The following PLCXD2 variants were observed in gnomAD, a reference collection of about 807,000 sequenced individuals.
The protein encoded by PLCXD2 is PI-PLC X domain-containing protein 2.
PLCXD2 carries 21 observed loss-of-function variants against 28.6 expected under a neutral mutation model. That is an observed-to-expected ratio of 0.73 (90% CI 0.52 to 1.06). The LOEUF is 1.06. PLCXD2 is among the 50% of genes least tolerant of loss of function. The pLI is 0.00. For synonymous variants in PLCXD2, 140 were observed against 150.1 expected (o/e 0.93, Z 0.49); for missense variants, 369 against 376.7 (o/e 0.98, Z 0.17).
At chr3:111,712,555 A>G (rs1941213981) in intron 2 of PLCXD2, among the ~76,000 whole-genome samples, 1 of 152,322 alleles carries the variant, frequency 6.6e-6, no homozygotes, top group South Asian at 2.1e-4. Context: ...ACTCAAAACC[A>G]TTAGAAACAA....
chr3:111,691,551 T>C (rs1940876607), intron 1 of PLCXD2: 1 of 152,232 alleles, frequency 6.6e-6, no homozygotes, highest in African/African-American at 2.4e-5. Context: ...TTAAAATAGC[T>C]TTAATCTCTT....
chr3:111,705,306 C>T (rs1407501851), intron 1 of PLCXD2, among the ~76,000 whole-genome samples: 1 of 152,022 alleles, frequency 6.6e-6, no homozygotes, highest in Admixed American at 6.6e-5. Flanking sequence ...ACATAACGTC[C>T]CCAGGCTTAT....
intron 3 of PLCXD2, among the ~76,000 whole-genome samples, chr3:111,717,971 T>C (rs1350900260): frequency 6.7e-6 from 1 of 148,314 alleles, no homozygotes; most frequent in African/African-American, 2.5e-5. Flanking sequence ...CTCACACTCT[T>C]CCAGTTATGA....
chr3:111,690,149 G>A (rs1940853434), intron 1 of PLCXD2, among the ~76,000 whole-genome samples: 1 of 152,136 alleles, frequency 6.6e-6, no homozygotes, highest in Non-Finnish European at 1.5e-5. Flanking sequence ...ATTAGGTCAT[G>A]CCAAATTCAT....
chr3:111,701,131 A>G (rs1271792478), intron 1 of PLCXD2, among the ~76,000 whole-genome samples: 1 of 152,230 alleles, frequency 6.6e-6, no homozygotes, highest in East Asian at 1.9e-4. Context: ...TCAGCCCTTC[A>G]CACTCTGATT....
rs562489938 is a variant in PLCXD2 at position 111,675,033 on chromosome 3, A to C, written c.-213A>C. ...TAACGGAGCTGGGACTGAGCAGATT[A>C]AGGGAGTGGAGCGGAGGCTGGGCCG... is the stretch of plus-strand genomic sequence containing the variant. On this transcript the variant is annotated 5_prime_UTR_variant, in exon 1 of 5. Coordinates refer to ENST00000477665, the MANE Select transcript of PLCXD2 (RefSeq NM_001185106.1). 11 of 581,286 alleles carry C rather than the reference A, an allele frequency of 1.9e-5. No homozygotes were observed. The South Asian group carries it at 2.5e-4, about 13-fold the overall frequency. The allele number at this position is 581,286 out of a possible 1,614,324, so 36.0% of individuals were successfully genotyped here.
intron 1 of PLCXD2, among the ~76,000 whole-genome samples, chr3:111,701,709 T>G (rs1941046500): frequency 6.6e-6 from 1 of 152,210 alleles, no homozygotes; most frequent in Non-Finnish European, 1.5e-5. Context: ...GCAATGAGTC[T>G]ATCAATGAGA....
intron 1 of PLCXD2, 95 bp downstream of exon 1, chr3:111,675,503 T>A: frequency 1.4e-6 from 2 of 1,414,120 alleles, no homozygotes; most frequent in South Asian, 1.2e-5. Flanking sequence ...GCTGAGAAAT[T>A]AATTGTCAGT....
At chr3:111,679,348 C>T (rs1559790107) in intron 1 of PLCXD2, among the ~76,000 whole-genome samples, 1 of 152,170 alleles carries the variant, frequency 6.6e-6, no homozygotes, top group Admixed American at 6.5e-5. Context: ...AGGACACCCT[C>T]TCTGGTCCTT....
chr3:111,705,758 G>T (rs1327852526), intron 1 of PLCXD2, among the ~76,000 whole-genome samples: 1 of 151,916 alleles, frequency 6.6e-6, no homozygotes, highest in Non-Finnish European at 1.5e-5. Context: ...TTGATGATTA[G>T]CGACATGGAG....
chr3:111,688,425 A>G lies in PLCXD2; in HGVS notation c.163+13017A>G, dbSNP rs541630116. 3.3e-5 allele frequency among the ~76,000 whole-genome samples: 5 copies of G among 152,356 alleles called. No homozygotes were observed. In the South Asian group the frequency reaches 1.0e-3, roughly 32 times the overall value. On this transcript the variant is annotated intron_variant, in intron 1 of 4. Transcript: ENST00000477665. ...TGGAGCTTCCAGTTGTCCTCTTCTC[A>G]TGGACAGTGTTTCTTTCCTCGTATT...
At chr3:111,725,894 A>G (rs1367331998) in intron 3 of PLCXD2, 3 of 398,402 alleles carry the variant, frequency 7.5e-6, no homozygotes, top group African/African-American at 6.2e-5. Flanking sequence ...GCCATTCTCC[A>G]TCATCTGCTG....
At chr3:111,714,786 A>G (rs1310322212) in intron 3 of PLCXD2, among the ~76,000 whole-genome samples, 2 of 152,148 alleles carry the variant, frequency 1.3e-5, no homozygotes, top group Non-Finnish European at 2.9e-5. Context: ...GCGCACATAT[A>G]TGTGAGTGTG....
chr3:111,699,283 T>C (rs1182475823), intron 1 of PLCXD2, among the ~76,000 whole-genome samples: 1 of 152,236 alleles, frequency 6.6e-6, no homozygotes, highest in African/African-American at 2.4e-5. Context: ...CATTGTACTG[T>C]AATGAAATGT....
intron 1 of PLCXD2, among the ~76,000 whole-genome samples, chr3:111,680,739 G>T (rs979383346): frequency 4.6e-5 from 7 of 152,168 alleles, no homozygotes; most frequent in African/African-American, 1.4e-4. Context: ...ACAACAGCCA[G>T]ACTATCTGGA....
chr3:111,679,678 C>T (rs1386066967), intron 1 of PLCXD2, among the ~76,000 whole-genome samples: 2 of 152,176 alleles, frequency 1.3e-5, no homozygotes, highest in African/African-American at 4.8e-5. Flanking sequence ...TTTTCCAATC[C>T]ATTTCTTGTT....
chr3:111,675,190 A>G lies in PLCXD2; in HGVS notation c.-56A>G. 2.5e-6 allele frequency: 4 copies of G among 1,572,412 alleles called. No individual in the cohort carries two copies. Among genetic ancestry groups the G allele is most frequent in the Non-Finnish European group, 2.6e-6 (3 of 1,153,850 alleles). On this transcript the variant is annotated 5_prime_UTR_variant, in exon 1 of 5. It removes an upstream start codon present in the reference 5' UTR. Coordinates refer to ENST00000477665, the MANE Select transcript of PLCXD2 (RefSeq NM_001185106.1). ...AAACGTCCACAGAGCCCAAGAAGTG[A>G]TGATCACTGAGTGAGTGGCACTGGG...
rs759609181 is a variant in PLCXD2, at chr3:111,708,060, C to T, written c.298C>T (p.Leu100=). ...GAAGAAGTGGTCTGTGACTCAGAAC[C>T]TGACATTTCGAGAACAGCTGGAAGC... Residue 100 remains leucine (L), a synonymous_variant, in exon 2 of 5, where the codon CTG becomes TTG. Transcript: ENST00000477665. 2.5e-6 allele frequency: 4 copies of T among 1,614,204 alleles called. No homozygotes were observed. The East Asian group carries it at 8.9e-5, about 36-fold the overall frequency.
chr3:111,716,230 T>G (rs1941265505), intron 3 of PLCXD2, among the ~76,000 whole-genome samples: 1 of 152,334 alleles, frequency 6.6e-6, no homozygotes, highest in East Asian at 1.9e-4. Flanking sequence ...AAAAGGCCAG[T>G]GCAGAGTGTG....
Sources: allele counts gnomAD v4.1 joint callset (sites outside exome capture counted in the v4.1 genomes callset), GRCh38; gene constraint gnomAD v4.1.1; transcripts MANE v1.5; gene names NCBI Gene and HGNC (gene_info 2026-07-23, HGNC 2026-07-21).